The following BACE1 variants were observed in gnomAD, a reference collection of about 807,000 sequenced individuals.
BACE1 encodes the protein APP beta-secretase.
BACE1 carries 21 observed loss-of-function variants against 54.0 expected under a neutral mutation model. The observed-to-expected ratio is 0.39, with a 90% CI of 0.28 to 0.56. BACE1 has a LOEUF of 0.56. Ranked by LOEUF, BACE1 falls within the 20% of genes least tolerant of loss-of-function variation. The pLI is 0.63. For missense variants in BACE1, 511 were observed against 661.2 expected (o/e 0.77, Z 2.49); for synonymous variants, 232 against 260.9 (o/e 0.89, Z 1.07).
rs190503034 is a variant in BACE1 at position 117,315,346 on chromosome 11, C to T, written c.261+189G>A. On this transcript the variant is annotated intron_variant, in intron 1 of 8. Transcript: ENST00000313005. This position sits in a 1 kb window ranked among gnomAD's most constrained non-coding sequence, Gnocchi z 5.5. ...AGGGGAACTAGGCAGCCAGGGGAGA[C>T]GAGGAGGGAATGGGGAGCTTGGGAA... 6.6e-6 allele frequency among the ~76,000 whole-genome samples: 1 copy of T among 152,096 alleles called. No individual in the cohort carries two copies. Among genetic ancestry groups the T allele is most frequent in the Admixed American group, 6.5e-5 (1 of 15,282 alleles).
At position 117,295,775 on chromosome 11, in the gene BACE1, A is replaced by G. The variant is rs960135767; in HGVS notation, c.351-428T>C. On this transcript the variant is annotated intron_variant, in intron 2 of 8. Transcript: ENST00000313005. ...GTGGTACCATCCGAGTGGTAGAGAAAGTGCCAGGCAGGGTGAATGTGGAAC... is the reference window on the plus strand; with the variant it reads ...GTGGTACCATCCGAGTGGTAGAGAAGGTGCCAGGCAGGGTGAATGTGGAAC... The G allele has an allele frequency of 6.7e-5, 88 of 1,304,248 alleles. No individual in the cohort carries two copies. In the African/African-American group the frequency reaches 1.1e-3, roughly 16 times the overall value. The allele number at this position is 1,304,248 out of a possible 1,614,324, so 80.8% of individuals were successfully genotyped here.
chr11:117,291,719 G>C lies in BACE1; in HGVS notation c.935C>G (p.Ala312Gly), dbSNP rs542748548. 1.2e-6 allele frequency: 2 copies of C among 1,611,642 alleles called. No individual in the cohort carries two copies. Among genetic ancestry groups the C allele is most frequent in the Admixed American group, 1.7e-5 (1 of 60,000 alleles). Residue 312 changes from alanine (A) to glycine (G), a missense_variant, in exon 6 of 9, where the codon GCC becomes GGC. Transcript: ENST00000313005. The stretch of plus-strand genomic sequence containing the variant: ...CATCCTTAGTCCACTCACGGAGGAG[G>C]CTGCCTTGATGGATTTGACTGCAGC... ...FEAAVKSIKA[A>G]SSTEKFPDGF... is the part of the protein sequence containing the mutation.
At chr11:117,289,841 C>A in intron 8 of BACE1, 34 bp from the exon 9 acceptor site, 1 of 1,590,290 alleles carries the variant, frequency 6.3e-7, no homozygotes, top group South Asian at 1.1e-5. Flanking sequence ...GGACAGCTCT[C>A]ATTGTCATAG....
chr11:117,310,883 G>A (rs990970961), intron 1 of BACE1, among the ~76,000 whole-genome samples: 2 of 152,124 alleles, frequency 1.3e-5, no homozygotes, highest in Non-Finnish European at 2.9e-5. Context: ...GAACAAGGAT[G>A]AAACAGGTCT....
At chr11:117,298,277 G>C (rs2034647535) in intron 1 of BACE1, among the ~76,000 whole-genome samples, 1 of 152,014 alleles carries the variant, frequency 6.6e-6, no homozygotes, top group South Asian at 2.1e-4. Flanking sequence ...ACTCCGGCCT[G>C]GACGAGAGCA....
At position 117,293,034 on chromosome 11, in the gene BACE1, C is replaced by A. The variant is rs765749361; in HGVS notation, c.840+20G>T. ...CTGCCTACCCCCTTATGTTCCCAGG[C>A]TCTCCCTTGGTTTTCTTACCTCCTT... On this transcript the variant is annotated intron_variant, in intron 5 of 8. Transcript: ENST00000313005. This position sits in a 1 kb window ranked among gnomAD's most constrained non-coding sequence, Gnocchi z 4.1. 6.2e-7 allele frequency: 1 copy of A among 1,612,642 alleles called. No individual in the cohort carries two copies.
Position 117,301,199 on chromosome 11 carries a change from C to G in BACE1, c.262-4238G>C, listed in dbSNP as rs574247286. ...CTCTTCCTCTCTAACGACCCTCTCC[C>G]ACTAAGCCATCTACCTAGATCCTGG... On this transcript the variant is annotated intron_variant, in intron 1 of 8. Coordinates refer to ENST00000313005, the MANE Select transcript of BACE1 (RefSeq NM_012104.6). Among the ~76,000 whole-genome samples, 5 of 152,326 alleles carry G rather than the reference C, an allele frequency of 3.3e-5. No individual in the cohort carries two copies. In the South Asian group the frequency reaches 1.0e-3, roughly 32 times the overall value.
rs2034328222 is a variant in BACE1, at chr11:117,288,658, CAT to C, written c.*906_*907del. ...GTTAGGATATTTCAGTGCTGCCTAT[CAT>C]ATGTAGAATAAAGGGTGGTTCAGAT... On this transcript the variant is annotated 3_prime_UTR_variant, in exon 9 of 9. Coordinates refer to ENST00000313005, the MANE Select transcript of BACE1 (RefSeq NM_012104.6). 1 of 152,568 alleles carries C rather than the reference CAT, an allele frequency of 6.6e-6. No individual in the cohort carries two copies. 9.5% of individuals were successfully genotyped at this position (152,568 alleles called of 1,614,324 possible). A position where few individuals can be genotyped will look rare whatever the true frequency, so the allele number is the denominator to read the frequency against.
At chr11:117,300,954 C>G (rs893960709) in intron 1 of BACE1, among the ~76,000 whole-genome samples, 1 of 152,198 alleles carries the variant, frequency 6.6e-6, no homozygotes, top group African/African-American at 2.4e-5. Flanking sequence ...AAGCGCTCAG[C>G]CAGGCTGTCT....
At chr11:117,300,237 C>T (rs1001594621) in intron 1 of BACE1, among the ~76,000 whole-genome samples, 1 of 152,178 alleles carries the variant, frequency 6.6e-6, no homozygotes, top group African/African-American at 2.4e-5. Context: ...GATTTCAGGT[C>T]CCCACTGCTC....
At position 117,315,390 on chromosome 11, in the gene BACE1, C is replaced by G; in HGVS notation, c.261+145G>C. ...TTGGGAACACTTCTGCCAACAACCA[C>G]GTGACCCCCGGGGAATGGCTGGGGA... On this transcript the variant is annotated intron_variant, in intron 1 of 8. Coordinates refer to ENST00000313005, the MANE Select transcript of BACE1 (RefSeq NM_012104.6). This position sits in a 1 kb window ranked among gnomAD's most constrained non-coding sequence, Gnocchi z 5.5. 8.6e-7 allele frequency: 1 copy of G among 1,158,518 alleles called. No homozygotes were observed. The allele number at this position is 1,158,518 out of a possible 1,614,324, so 71.8% of individuals were successfully genotyped here.
At chr11:117,311,188 A>G (rs1197647831) in intron 1 of BACE1, among the ~76,000 whole-genome samples, 1 of 152,106 alleles carries the variant, frequency 6.6e-6, no homozygotes, top group Non-Finnish European at 1.5e-5. Flanking sequence ...AGACAATTTG[A>G]AAAAATCAGC....
chr11:117,289,862 A>C, intron 8 of BACE1, 55 bp from the exon 9 acceptor site: 1 of 1,515,316 alleles, frequency 6.6e-7, no homozygotes, highest in Non-Finnish European at 9.1e-7. Flanking sequence ...AGGAGTTAAC[A>C]AAAAGAACTT....
rs774190490 is a variant in BACE1 at position 117,315,536 on chromosome 11, G to T, written c.260C>A (p.Thr87Lys). 6.3e-6 allele frequency: 10 copies of T among 1,581,816 alleles called. No individual in the cohort carries two copies. In the South Asian group the frequency reaches 1.1e-4, roughly 18 times the overall value. ...TAAGGGCTGGCCTGACCACCTTACCGTCTGCGGGGGGCTGCCCACGGTCAT... is the reference window on the plus strand; with the variant it reads ...TAAGGGCTGGCCTGACCACCTTACCTTCTGCGGGGGGCTGCCCACGGTCAT... ...VEMTVGSPPQ[T>K]LNILVDTGSS... The change falls in exon 1 of 9, where the codon ACG (threonine) becomes AAG (lysine). Residue 87 changes from threonine to lysine, a missense_variant and splice_region_variant. By Grantham distance (78) the Thr-to-Lys change is moderately conservative. Around this residue, in one of 2 missense-constraint regions of BACE1, gnomAD observed 407 missense variants for 565.7 expected, o/e 0.72. Transcript: ENST00000313005. This position sits in a 1 kb window ranked among gnomAD's most constrained non-coding sequence, Gnocchi z 5.5.
At chr11:117,290,682 T>G (rs748249027) in intron 7 of BACE1, 23 bp from the exon 8 acceptor site, 24 of 1,611,860 alleles carry the variant, frequency 1.5e-5, no homozygotes, top group Non-Finnish European at 2.0e-5. Flanking sequence ...AATCACAGGG[T>G]GAGTGTCTTC....
intron 1 of BACE1, chr11:117,299,816 C>T (rs1184661595): frequency 7.4e-6 from 2 of 270,734 alleles, no homozygotes; most frequent in African/African-American, 4.7e-5. Flanking sequence ...CCCTCTTCCC[C>T]ATTCTCAGGA....
intron 1 of BACE1, chr11:117,297,323 A>C: frequency 4.8e-6 from 1 of 207,744 alleles, no homozygotes; most frequent in Non-Finnish European, 9.5e-6. Context: ...AGGTTACAGA[A>C]AGAATGGGAG....
intron 1 of BACE1, among the ~76,000 whole-genome samples, chr11:117,299,008 G>A (rs1462874698): frequency 6.6e-6 from 1 of 152,108 alleles, no homozygotes; most frequent in Middle Eastern, 3.2e-3. Flanking sequence ...GTTTCACCAC[G>A]TTGGCCAGGC....
intron 1 of BACE1, among the ~76,000 whole-genome samples, chr11:117,302,952 A>T (rs940906714): frequency 1.3e-5 from 2 of 152,216 alleles, no homozygotes; most frequent in African/African-American, 2.4e-5. Context: ...ACCTCCCCTC[A>T]TATCGAATTT....
Sources: gnomAD v4.1 joint callset for allele counts (sites outside exome capture counted in the v4.1 genomes callset) on GRCh38, gnomAD v4.1.1 for gene constraint, gnomAD v4.1.1 regional missense constraint, Gnocchi (gnomAD v3.1) non-coding constraint, MANE v1.5 for transcripts, NCBI Gene and HGNC (gene_info 2026-07-23, HGNC 2026-07-21) for gene names.